CHD5: variants seen among roughly 807,000 people sequenced by gnomAD.
CHD5 encodes the protein chromodomain helicase DNA binding protein 5.
Under a neutral mutation model 230.3 loss-of-function variants are expected in CHD5, and 69 were observed. That is an observed-to-expected ratio of 0.30 (90% confidence interval 0.25 to 0.37). The LOEUF (loss-of-function observed/expected upper bound fraction) is 0.37. Among genes scored for constraint, CHD5 ranks in the 10% least tolerant of loss-of-function variants. The probability of loss-of-function intolerance (pLI) is 1.00; values close to 1 mark genes in which losing one functional copy is unlikely to be tolerated. For synonymous variants in CHD5, 1,064 were observed against 1,065.9 expected, an observed-to-expected ratio of 1.00 and a Z score of 0.03; for missense variants, 1,827 against 2,622.8, an observed-to-expected ratio of 0.70 and a Z score of 6.63.
Position 6,110,347 on chromosome 1 carries a change from A to T in CHD5, c.5382+47T>A, listed in dbSNP as rs992112164. The stretch of plus-strand genomic sequence containing the variant: ...TTGCCTTTGCGAGGGTCCTCCTGAC[A>T]CCGTCCCTCCCTGCCCCGTGCAGCC... On this transcript the variant is annotated intron_variant, in intron 37 of 41. Transcript: ENST00000262450. 3.2e-6 allele frequency: 5 copies of T among 1,582,654 alleles called. No homozygotes were observed. The African/African-American group carries it at 7.6e-5, about 24-fold the overall frequency.
At chr1:6,117,034 T>G (rs1228738431) in intron 33 of CHD5, among the ~76,000 whole-genome samples, 1 of 152,168 alleles carries the variant, frequency 6.6e-6, no homozygotes, top group Non-Finnish European at 1.5e-5. Context: ...GGGGTATACA[T>G]GTTAAAAATG....
rs1666467676 is a variant in CHD5 at position 6,121,331 on chromosome 1, G to C, written c.4780-94C>G. 4 of 1,541,994 alleles carry C rather than the reference G, an allele frequency of 2.6e-6. No homozygotes were observed. In the Admixed American group the frequency reaches 7.7e-5, roughly 30 times the overall value. On this transcript the variant is annotated intron_variant, in intron 32 of 41. Coordinates refer to ENST00000262450, the MANE Select transcript of CHD5 (RefSeq NM_015557.3). The surrounding 1 kb of genome is among the most constrained non-coding windows in gnomAD (Gnocchi z 4.5). ...CGCTGGGCTGGGAACCCAGTCTCCT[G>C]GCTCCCGTCGCTTGCTCCTAGCCTG...
Position 6,134,108 on chromosome 1 carries a change from G to A in CHD5, c.3144+20C>T. On this transcript the variant is annotated intron_variant, in intron 20 of 41. Transcript: ENST00000262450. This position sits in a 1 kb window ranked among gnomAD's most constrained non-coding sequence, Gnocchi z 6.3. ...CTGTGGGGTGTGGAGCCGGGGCGGGGGTGGGCAGGGGCAGCGCACCTGGGA... is the reference window on the plus strand; with the variant it reads ...CTGTGGGGTGTGGAGCCGGGGCGGGAGTGGGCAGGGGCAGCGCACCTGGGA... The A allele has an allele frequency of 6.2e-7, 1 of 1,608,206 alleles. No individual in the cohort carries two copies. Among genetic ancestry groups the A allele is most frequent in the Non-Finnish European group, 8.5e-7 (1 of 1,178,876 alleles).
intron 38 of CHD5, among the ~76,000 whole-genome samples, chr1:6,107,058 G>A (rs2100826607): frequency 1.5e-5 from 2 of 137,714 alleles, no homozygotes; most frequent in Non-Finnish European, 3.2e-5. Context: ...AGGAATGATG[G>A]AGCGATGGAA....
At position 6,136,794 on chromosome 1, in the gene CHD5, C is replaced by T; in HGVS notation, c.2508G>A (p.Leu836=). The change falls in exon 16 of 42, where the codon CTG becomes CTA. Residue 836 remains leucine (L), a synonymous_variant. Coordinates refer to ENST00000262450, the MANE Select transcript of CHD5 (RefSeq NM_015557.3). The stretch of plus-strand genomic sequence containing the variant: ...CCAGGCAGGCCCACTCGATGGAGCC[C>T]AGGATGGCCTGGTCAATGGTGATGA... ...YELITIDQAI[L]GSIEWACLVV... The T allele has an allele frequency of 6.2e-7, 1 of 1,613,908 alleles. No homozygotes were observed. The highest frequency in any genetic ancestry group is 8.5e-7 in the Non-Finnish European group (1 of 1,179,840).
At chr1:6,173,060 C>T (rs970485170) in intron 1 of CHD5, among the ~76,000 whole-genome samples, 2 of 151,730 alleles carry the variant, frequency 1.3e-5, no homozygotes, top group East Asian at 3.9e-4. Flanking sequence ...ACAGGGACCC[C>T]ACTCAATGTC....
intron 17 of CHD5, among the ~76,000 whole-genome samples, chr1:6,136,127 G>A (rs12021892): frequency 0.26 from 39,241 of 152,068 alleles, 6,639 homozygotes; most frequent in East Asian, 0.81. Context: ...AAGATGAGGG[G>A]GATGGGGCGG....
In CHD5 at chr1:6,155,578, C is replaced by T. The variant is rs367971391; in HGVS notation, c.506+21G>A. Reference sequence around the variant, plus strand: ...CCAGAGGATGTGCGGGCCTGGAGAACAGCCCTAGTGCCCCGCCCACCTGAG... The same window carrying T: ...CCAGAGGATGTGCGGGCCTGGAGAATAGCCCTAGTGCCCCGCCCACCTGAG... On this transcript the variant is annotated intron_variant, in intron 4 of 41. Transcript: ENST00000262450. The surrounding 1 kb of genome is among the most constrained non-coding windows in gnomAD (Gnocchi z 4.0). 6.3e-7 allele frequency: 1 copy of T among 1,589,866 alleles called. No individual in the cohort carries two copies. Among genetic ancestry groups the T allele is most frequent in the South Asian group, 1.1e-5 (1 of 90,550 alleles).
At position 6,146,739 on chromosome 1, in the gene CHD5, T is replaced by C; in HGVS notation, c.1516A>G (p.Ile506Val). ...SLPPPKPLEGIPEREFFVKWA... is the reference protein window; with the variant it reads ...SLPPPKPLEGVPEREFFVKWA... ...TTGACAAAGAACTCTCTCTCAGGGA[T>C]GCCCTCCAGGGGCTTAGGTGGAGGG... Residue 506 changes from isoleucine (I) to valine (V), a missense_variant, in exon 10 of 42, where the codon ATC becomes GTC. Transcript: ENST00000262450. The surrounding 1 kb of genome is among the most constrained non-coding windows in gnomAD (Gnocchi z 5.1). 1 of 1,612,988 alleles carries C rather than the reference T, an allele frequency of 6.2e-7. No individual in the cohort carries two copies. The highest frequency in any genetic ancestry group is 8.5e-7 in the Non-Finnish European group (1 of 1,179,566).
chr1:6,148,783 CT>C, intron 9 of CHD5, 70 bp downstream of exon 9: 1 of 1,331,172 alleles, frequency 7.5e-7, no homozygotes, highest in Non-Finnish European at 9.8e-7. Context: ...GAGGGCAGGC[CT>C]TCCCCTGGGG....
At chr1:6,138,830 G>A (rs937059415) in intron 15 of CHD5, among the ~76,000 whole-genome samples, 5 of 152,188 alleles carry the variant, frequency 3.3e-5, no homozygotes, top group African/African-American at 7.2e-5. Flanking sequence ...TCCCATCAGC[G>A]TTACTGACGA....
intron 15 of CHD5, among the ~76,000 whole-genome samples, chr1:6,141,216 G>A (rs1414345282): frequency 1.3e-5 from 2 of 151,478 alleles, no homozygotes; most frequent in East Asian, 3.9e-4. Flanking sequence ...CCGGGAGGCA[G>A]AGGTTGCAGT....
intron 33 of CHD5, among the ~76,000 whole-genome samples, chr1:6,117,085 G>A (rs1341357030): frequency 6.6e-6 from 1 of 152,078 alleles, no homozygotes; most frequent in African/African-American, 2.4e-5. Context: ...CCTTCCAAAT[G>A]AGTTGAGGGG....
intron 2 of CHD5, among the ~76,000 whole-genome samples, chr1:6,160,972 G>A (rs978853253): frequency 7.2e-5 from 11 of 152,204 alleles, no homozygotes; most frequent in South Asian, 2.1e-4. Flanking sequence ...CATGATCCCC[G>A]GGGCATGCGG....
At position 6,128,121 on chromosome 1, in the gene CHD5, C is replaced by T. The variant is rs575950073; in HGVS notation, c.3828G>A (p.Thr1276=). The T allele has an allele frequency of 6.2e-7, 1 of 1,614,042 alleles. No individual in the cohort carries two copies. The highest frequency in any genetic ancestry group is 1.1e-5 in the South Asian group (1 of 91,042). Residue 1276 remains threonine (T), a synonymous_variant, in exon 25 of 42, where the codon ACG becomes ACA. Coordinates refer to ENST00000262450, the MANE Select transcript of CHD5 (RefSeq NM_015557.3). The surrounding 1 kb of genome is among the most constrained non-coding windows in gnomAD (Gnocchi z 7.8). The part of the protein sequence containing the change: ...LDRNQDATDD[T]ELQNMNEYLS... ...GGTACTCGTTCATGTTCTGTAGCTCCGTGTCATCTGTAGCGTCCTGGTTCC... is the reference window on the plus strand; with the variant it reads ...GGTACTCGTTCATGTTCTGTAGCTCTGTGTCATCTGTAGCGTCCTGGTTCC...
rs981083032 is a variant in CHD5 at position 6,154,249 on chromosome 1, C to A, written c.745+411G>T. Among the ~76,000 whole-genome samples the A allele has an allele frequency of 6.6e-6, 1 of 152,046 alleles. No individual in the cohort carries two copies. Among genetic ancestry groups the A allele is most frequent in the Non-Finnish European group, 1.5e-5 (1 of 68,022 alleles). On this transcript the variant is annotated intron_variant, in intron 5 of 41. Coordinates refer to ENST00000262450, the MANE Select transcript of CHD5 (RefSeq NM_015557.3). This position sits in a 1 kb window ranked among gnomAD's most constrained non-coding sequence, Gnocchi z 7.0. ...GAAGAAGAGACGGGCTCGACTGGGG[C>A]CTCCTCCTCCTCCCCAGAAACGGCA... is the stretch of plus-strand genomic sequence containing the variant.
chr1:6,159,800 T>C (rs1481147089), intron 2 of CHD5, among the ~76,000 whole-genome samples: 1 of 152,220 alleles, frequency 6.6e-6, no homozygotes, highest in African/African-American at 2.4e-5. Context: ...AGAGCAGGCT[T>C]CTCCATCTGC....
At chr1:6,119,899 T>C (rs12760847) in intron 33 of CHD5, among the ~76,000 whole-genome samples, 54,574 of 150,698 alleles carry the variant, frequency 0.36, 10,914 homozygotes, top group East Asian at 0.79. Flanking sequence ...CCCTCTCTGT[T>C]GCCCAGGCTG....
Position 6,146,736 on chromosome 1 carries a change from G to A in CHD5, c.1519C>T (p.Pro507Ser), listed in dbSNP as rs753304572. 1.2e-6 allele frequency: 2 copies of A among 1,613,136 alleles called. No individual in the cohort carries two copies. The highest frequency in any genetic ancestry group is 1.7e-6 in the Non-Finnish European group (2 of 1,179,632). ...LPPPKPLEGI[P>S]EREFFVKWAG... ...CACTTGACAAAGAACTCTCTCTCAG[G>A]GATGCCCTCCAGGGGCTTAGGTGGA... Residue 507 changes from proline (P) to serine (S), a missense_variant, in exon 10 of 42, where the codon CCT becomes TCT. Physicochemically the swap from Pro to Ser is moderately conservative, Grantham distance 74. Coordinates refer to ENST00000262450, the MANE Select transcript of CHD5 (RefSeq NM_015557.3). This position sits in a 1 kb window ranked among gnomAD's most constrained non-coding sequence, Gnocchi z 5.1.
Sources: gnomAD v4.1 joint callset for allele counts (sites outside exome capture counted in the v4.1 genomes callset) on GRCh38, gnomAD v4.1.1 for gene constraint, Gnocchi (gnomAD v3.1) non-coding constraint, MANE v1.5 for transcripts, NCBI Gene and HGNC (gene_info 2026-07-23, HGNC 2026-07-21) for gene names.